VAV3: variants seen among roughly 807,000 people sequenced by gnomAD.
VAV3 encodes the protein guanine nucleotide exchange factor VAV3.
A neutral mutation model predicts 131.2 loss-of-function variants in VAV3; 94 were observed. The observed-to-expected ratio is 0.72, with a 90% CI of 0.61 to 0.85. The LOEUF (loss-of-function observed/expected upper bound fraction) is 0.85. Among genes scored for constraint, VAV3 ranks in the 40% least tolerant of loss-of-function variants. The probability of loss-of-function intolerance (pLI) is 0.00; values close to 1 mark genes in which losing one functional copy is unlikely to be tolerated. For synonymous variants in VAV3, 349 were observed against 342.0 expected (o/e 1.02, Z -0.22); for missense variants, 939 against 1,002.7 (o/e 0.94, Z 0.86).
chr1:107,735,077 G>A (rs535336355), intron 15 of VAV3, among the ~76,000 whole-genome samples: 18 of 152,292 alleles, frequency 1.2e-4, no homozygotes, highest in African/African-American at 4.3e-4. Context: ...ACAACTACAT[G>A]GAAACTGAAC....
At chr1:107,775,069 G>A (rs1665272656) in intron 4 of VAV3, among the ~76,000 whole-genome samples, 1 of 152,050 alleles carries the variant, frequency 6.6e-6, no homozygotes, top group Admixed American at 6.6e-5. Flanking sequence ...CGGACCTTCG[G>A]CCACCAGGTA....
rs114853946 is a variant in VAV3, at chr1:107,928,663, T to G, written c.204+36003A>C. Among the ~76,000 whole-genome samples, 341 of 152,168 alleles carry G rather than the reference T, an allele frequency of 2.2e-3. 1 individual carries two copies. The highest frequency in any genetic ancestry group is 7.8e-3 in the African/African-American group (323 of 41,516). ...TTTATCAGAATTGTTTAAGCAGAATTAGTGAGCTTGACAGCAGGCTAGCTG... is the reference window on the plus strand; with the variant it reads ...TTTATCAGAATTGTTTAAGCAGAATGAGTGAGCTTGACAGCAGGCTAGCTG... On this transcript the variant is annotated intron_variant, in intron 1 of 26. Transcript: ENST00000370056.
chr1:107,735,942 A>G (rs1164694115), intron 15 of VAV3, among the ~76,000 whole-genome samples: 2 of 152,178 alleles, frequency 1.3e-5, no homozygotes, highest in Non-Finnish European at 1.5e-5. Context: ...GATGAACATC[A>G]ATACAAAAAT....
At chr1:107,953,342 G>A (rs1251217636) in intron 1 of VAV3, among the ~76,000 whole-genome samples, 1 of 152,130 alleles carries the variant, frequency 6.6e-6, no homozygotes, top group Non-Finnish European at 1.5e-5. Flanking sequence ...CCATGTACCA[G>A]GCATTTAAAT....
chr1:107,622,999 A>G (rs147775555), intron 20 of VAV3, among the ~76,000 whole-genome samples: 2 of 152,346 alleles, frequency 1.3e-5, no homozygotes, highest in African/African-American at 4.8e-5. Flanking sequence ...ACCAGCAAAG[A>G]GGAAGTGATC....
chr1:107,718,611 T>A (rs1317906222), intron 15 of VAV3, among the ~76,000 whole-genome samples: 1 of 151,964 alleles, frequency 6.6e-6, no homozygotes, highest in Admixed American at 6.6e-5. Context: ...AGAATCAATA[T>A]CATGAAAATG....
At chr1:107,673,646 G>C (rs1657979100) in intron 19 of VAV3, 1 of 152,124 alleles carries the variant, frequency 6.6e-6, no homozygotes, top group African/African-American at 2.4e-5. Flanking sequence ...GTTCATTCTT[G>C]TACACTTAAC....
intron 1 of VAV3, among the ~76,000 whole-genome samples, chr1:107,893,575 C>CAA (rs200837698): frequency 1.3e-5 from 2 of 151,368 alleles, no homozygotes; most frequent in African/African-American, 4.9e-5. Context: ...TGGCAGCAGG[C>CAA]AAAAAAAGCT....
At chr1:107,720,342 C>T (rs946108186) in intron 15 of VAV3, among the ~76,000 whole-genome samples, 1 of 149,814 alleles carries the variant, frequency 6.7e-6, no homozygotes, top group Non-Finnish European at 1.5e-5. Flanking sequence ...GTGATCATGC[C>T]ACTGCACTCC....
chr1:107,781,735 GCAATTTCTTC>G (rs1665702864), intron 2 of VAV3, among the ~76,000 whole-genome samples: 2 of 152,256 alleles, frequency 1.3e-5, no homozygotes, highest in East Asian at 3.9e-4. Flanking sequence ...AACCCTTCAT[GCAATTTCTTC>G]CTGGTCAACT....
intron 21 of VAV3, among the ~76,000 whole-genome samples, chr1:107,611,894 T>C (rs568307289): frequency 1.3e-5 from 2 of 152,242 alleles, no homozygotes; most frequent in East Asian, 3.9e-4. Flanking sequence ...CCATCAGTCA[T>C]AGGCCCTCTG....
Position 107,772,830 on chromosome 1 carries a change from C to G in VAV3, c.460G>C (p.Glu154Gln). The G allele has an allele frequency of 6.2e-7, 1 of 1,613,390 alleles. No individual in the cohort carries two copies. Among genetic ancestry groups the G allele is most frequent in the East Asian group, 2.2e-5 (1 of 44,818 alleles). The change falls in exon 5 of 27, where the codon GAA (glutamate) becomes CAA (glutamine). Residue 154 changes from glutamate to glutamine, a missense_variant. Physicochemically the swap from Glu to Gln is conservative, Grantham distance 29. Transcript: ENST00000370056. ...LPDLIDETLVEDEEDLYDCVY... is the reference protein window; with the variant it reads ...LPDLIDETLVQDEEDLYDCVY... ...CAGTCATAGAGATCTTCTTCATCTTCCACAAGGGTTTCACTACAACAAAGG... is the reference window on the plus strand; with the variant it reads ...CAGTCATAGAGATCTTCTTCATCTTGCACAAGGGTTTCACTACAACAAAGG...
intron 15 of VAV3, among the ~76,000 whole-genome samples, chr1:107,732,071 A>C (rs768733141): frequency 2.0e-5 from 3 of 152,182 alleles, no homozygotes; most frequent in Non-Finnish European, 2.9e-5. Flanking sequence ...TAACTCTGAA[A>C]ATTTGTCCAT....
chr1:107,912,953 T>A (rs1037724664), intron 1 of VAV3, among the ~76,000 whole-genome samples: 1 of 152,212 alleles, frequency 6.6e-6, no homozygotes, highest in African/African-American at 2.4e-5. Flanking sequence ...ATCAAGGAAG[T>A]CAACATGCCT....
At chr1:107,697,043 CT>C (rs896117838) in intron 17 of VAV3, among the ~76,000 whole-genome samples, 3 of 152,114 alleles carry the variant, frequency 2.0e-5, no homozygotes, top group African/African-American at 7.2e-5. Context: ...AAAATAGTAC[CT>C]ACTTTACCAC....
chr1:107,952,468 T>TTTATATATATATATATATATATGTA (rs1553235441), intron 1 of VAV3, among the ~76,000 whole-genome samples: 3 of 119,026 alleles, frequency 2.5e-5, no homozygotes, highest in African/African-American at 1.1e-4. Context: ...TAACAAAACT[T>TTTATATATATATATATATATATGTA]TATATATATA....
chr1:107,818,310 A>G (rs368039542), intron 2 of VAV3, among the ~76,000 whole-genome samples: 1 of 152,116 alleles, frequency 6.6e-6, no homozygotes, highest in South Asian at 2.1e-4. Context: ...ATGGAGCTCT[A>G]CTGTGTTCCC....
At chr1:107,749,138 C>T in intron 14 of VAV3, 61 bp from the exon 15 acceptor site, 1 of 1,215,142 alleles carries the variant, frequency 8.2e-7, no homozygotes. Flanking sequence ...TCTAAATTCA[C>T]AAGAATACCA....
intron 15 of VAV3, among the ~76,000 whole-genome samples, chr1:107,738,303 C>G (rs778618664): frequency 2.0e-5 from 3 of 151,964 alleles, no homozygotes; most frequent in South Asian, 2.1e-4. Context: ...TGTATACATA[C>G]GTAACAAACC....
Sources: allele counts gnomAD v4.1 joint callset (sites outside exome capture counted in the v4.1 genomes callset), GRCh38; gene constraint gnomAD v4.1.1; transcripts MANE v1.5; gene names NCBI Gene and HGNC (gene_info 2026-07-23, HGNC 2026-07-21).